Variants in KLF15 observed in about 807,000 individuals in gnomAD.
KLF15 encodes Krueppel-like factor 15.
Under a neutral mutation model 24.6 loss-of-function variants are expected in KLF15, and 4 were observed. The ratio of observed to expected loss-of-function variants is 0.16; its 90% CI spans 0.08 to 0.37. The LOEUF is 0.37. Among genes scored for constraint, KLF15 ranks in the 10% least tolerant of loss-of-function variants. The pLI, the probability that KLF15 is intolerant of heterozygous loss-of-function variation, is 1.00. For synonymous variants in KLF15, 246 were observed against 236.3 expected (o/e 1.04, Z -0.37); for missense variants, 496 against 560.6 (o/e 0.88, Z 1.16).
intron 2 of KLF15, among the ~76,000 whole-genome samples, chr3:126,344,840 C>T (rs576718786): frequency 1.3e-5 from 2 of 152,334 alleles, no homozygotes; most frequent in East Asian, 3.9e-4. Context: ...CCCGACATTT[C>T]GCTTTCTTGG....
intron 2 of KLF15, 24 bp from the exon 3 acceptor site, chr3:126,343,919 G>A (rs1217618192): frequency 1.3e-6 from 2 of 1,558,010 alleles, no homozygotes; most frequent in Non-Finnish European, 1.7e-6. Flanking sequence ...CGCGGTCAGC[G>A]AGGCCTGGCC....
At chr3:126,295,813 A>G in the KLF15 span, among the ~76,000 whole-genome samples, 3 of 152,104 alleles carry the variant, frequency 2.0e-5, no homozygotes, top group Non-Finnish European at 4.4e-5. Context: ...TTCACCCACC[A>G]CCATCCCCCA....
intron 2 of KLF15, among the ~76,000 whole-genome samples, chr3:126,345,740 G>A (rs1417085651): frequency 6.6e-6 from 1 of 152,072 alleles, no homozygotes; most frequent in Non-Finnish European, 1.5e-5. Flanking sequence ...CTGACCCTGT[G>A]GGTGGAAGAG....
At chr3:126,312,466 C>T in the KLF15 span, among the ~76,000 whole-genome samples, 3 of 152,190 alleles carry the variant, frequency 2.0e-5, no homozygotes, top group Admixed American at 1.3e-4. Flanking sequence ...TGAGCCACCG[C>T]GCCCAGCCAG....
the KLF15 span, among the ~76,000 whole-genome samples, chr3:126,309,688 T>C: frequency 6.6e-6 from 1 of 152,144 alleles, no homozygotes; most frequent in Non-Finnish European, 1.5e-5. Flanking sequence ...AGGAGATGGG[T>C]TCCTTAGGGA....
At chr3:126,348,512 C>G (rs1227888598) in intron 2 of KLF15, among the ~76,000 whole-genome samples, 1 of 152,206 alleles carries the variant, frequency 6.6e-6, no homozygotes, top group African/African-American at 2.4e-5. Flanking sequence ...AACCCAGATC[C>G]TTGCTCACTA....
chr3:126,338,713 A>C (rs143965309), downstream of KLF15, among the ~76,000 whole-genome samples: 405 of 152,346 alleles, frequency 2.7e-3, no homozygotes, highest in African/African-American at 9.5e-3. Context: ...GCAATGATTT[A>C]GACGTATTTC....
the KLF15 span, among the ~76,000 whole-genome samples, chr3:126,322,958 C>T: frequency 6.7e-6 from 1 of 149,498 alleles, no homozygotes; most frequent in South Asian, 2.1e-4. Context: ...TGTGCCTGTT[C>T]TCTGACTCTG....
At chr3:126,298,106 C>T in the KLF15 span, among the ~76,000 whole-genome samples, 6 of 152,056 alleles carry the variant, frequency 3.9e-5, no homozygotes, top group Non-Finnish European at 8.8e-5. Context: ...TCAATGCCAA[C>T]ATCTATTATT....
chr3:126,305,291 C>T, the KLF15 span, among the ~76,000 whole-genome samples: 1 of 152,190 alleles, frequency 6.6e-6, no homozygotes. Context: ...CTTATTCTAA[C>T]AAATAAACAA....
the KLF15 span, among the ~76,000 whole-genome samples, chr3:126,337,573 T>G: frequency 1.3e-5 from 1 of 75,720 alleles, no homozygotes; most frequent in African/African-American, 7.1e-5. Context: ...ACTTAAAGTA[T>G]AATTAAAAAA....
intron 1 of KLF15, among the ~76,000 whole-genome samples, chr3:126,355,700 G>A (rs755618872): frequency 2.0e-5 from 3 of 152,216 alleles, no homozygotes; most frequent in Non-Finnish European, 4.4e-5. Flanking sequence ...TCTAAAACAG[G>A]ACCGGGCAAA....
the KLF15 span, among the ~76,000 whole-genome samples, chr3:126,309,578 C>A: frequency 6.6e-6 from 1 of 152,248 alleles, no homozygotes; most frequent in South Asian, 2.1e-4. Flanking sequence ...ACATGTGTTT[C>A]TGTGCCTTGT....
chr3:126,343,401 G>C lies in KLF15; in HGVS notation c.*326C>G. On this transcript the variant is annotated 3_prime_UTR_variant, in exon 3 of 3. Coordinates refer to ENST00000296233, the MANE Select transcript of KLF15 (RefSeq NM_014079.4). ...GGATGGGGGAGCCCAGTGGGAGAAGGGCCAGGTCCCCAAAACTCTGCCTGC... is the reference window on the plus strand; with the variant it reads ...GGATGGGGGAGCCCAGTGGGAGAAGCGCCAGGTCCCCAAAACTCTGCCTGC... 3.1e-6 allele frequency: 1 copy of C among 320,400 alleles called. No homozygotes were observed. The highest frequency in any genetic ancestry group is 4.4e-5 in the South Asian group (1 of 22,752). The allele number at this position is 320,400 out of a possible 1,614,324, so 19.8% of individuals were successfully genotyped here.
chr3:126,346,805 G>A (rs374556103), intron 2 of KLF15, among the ~76,000 whole-genome samples: 3 of 152,290 alleles, frequency 2.0e-5, no homozygotes, highest in African/African-American at 4.8e-5. Context: ...GTGGGAACCC[G>A]GTGGGTAAGA....
the KLF15 span, among the ~76,000 whole-genome samples, chr3:126,323,939 T>C: frequency 1.3e-5 from 2 of 151,628 alleles, no homozygotes; most frequent in Non-Finnish European, 2.9e-5. Flanking sequence ...ATGGTGTATA[T>C]GTGCAACATT....
the KLF15 span, among the ~76,000 whole-genome samples, chr3:126,330,315 C>T: frequency 6.6e-6 from 1 of 152,200 alleles, no homozygotes; most frequent in Non-Finnish European, 1.5e-5. Context: ...GAGCACTGAG[C>T]TTTGAGGTGG....
At chr3:126,322,069 C>A in the KLF15 span, among the ~76,000 whole-genome samples, 12 of 152,160 alleles carry the variant, frequency 7.9e-5, no homozygotes, top group African/African-American at 2.9e-4. Context: ...TGTCCCTGGT[C>A]ACCGATTTTA....
Position 126,352,073 on chromosome 3 carries a change from CA to C in KLF15, c.849del (p.Val284CysfsTer95). The C allele has an allele frequency of 6.5e-7, 1 of 1,538,696 alleles. No individual in the cohort carries two copies. The highest frequency in any genetic ancestry group is 8.8e-7 in the Non-Finnish European group (1 of 1,140,974). ...CCAACAGGCTTGGCGGCAATGGGCACAGGGGCAATGCGCACAAACTTGGAGG... is the reference window on the plus strand; with the variant it reads ...CCAACAGGCTTGGCGGCAATGGGCACGGGGCAATGCGCACAAACTTGGAGG... Reference protein sequence around the residue: ...NLPSKFVRIAPVPIAAKPVGS... With the variant: ...NLPSKFVRIAXVPIAAKPVGS... On this transcript the variant is annotated frameshift_variant, in exon 2 of 3. Transcript: ENST00000296233. LOFTEE classifies it high-confidence loss of function.
Sources: allele counts gnomAD v4.1 joint callset (sites outside exome capture counted in the v4.1 genomes callset), GRCh38; gene constraint gnomAD v4.1.1; transcripts MANE v1.5; gene names NCBI Gene and HGNC (gene_info 2026-07-23, HGNC 2026-07-21).